Variants in KIZ observed in about 807,000 individuals in gnomAD.
KIZ encodes kizuna centrosomal protein.
KIZ carries 68 observed loss-of-function variants against 79.6 expected under a neutral mutation model. That is an observed-to-expected ratio of 0.85 (90% CI 0.70 to 1.05). The LOEUF is 1.05. KIZ is among the 50% of genes least tolerant of loss of function. The probability of loss-of-function intolerance (pLI) is 0.00; values close to 1 mark genes in which losing one functional copy is unlikely to be tolerated. For missense variants in KIZ, 797 were observed against 800.4 expected (o/e 1.00, Z 0.05); for synonymous variants, 280 against 281.8 (o/e 0.99, Z 0.06).
At chr20:21,185,991 A>C (rs921170230) in intron 6 of KIZ, among the ~76,000 whole-genome samples, 3 of 152,174 alleles carry the variant, frequency 2.0e-5, no homozygotes, top group African/African-American at 7.2e-5. Flanking sequence ...CTACTAGAAG[A>C]TAATAAAATG....
intron 6 of KIZ, chr20:21,202,199 G>A (rs1413549367): frequency 6.6e-6 from 1 of 152,166 alleles, no homozygotes; most frequent in Non-Finnish European, 1.5e-5. Context: ...AGCCACCAGA[G>A]GGACTGTTCT....
intron 6 of KIZ, chr20:21,195,033 G>A (rs1037112140): frequency 4.6e-5 from 7 of 152,142 alleles, no homozygotes; most frequent in African/African-American, 9.7e-5. Flanking sequence ...GAGAAGACTC[G>A]GCAGAGGTGA....
intron 6 of KIZ, 60 bp downstream of exon 6, chr20:21,163,219 A>G (rs2033775363): frequency 8.9e-7 from 1 of 1,126,072 alleles, no homozygotes; most frequent in African/African-American, 1.6e-5. Context: ...ATTTCTAGAG[A>G]CCATTCCACT....
At chr20:21,141,859 T>C (rs1343319953) in intron 3 of KIZ, among the ~76,000 whole-genome samples, 1 of 149,550 alleles carries the variant, frequency 6.7e-6, no homozygotes, top group African/African-American at 2.5e-5. Context: ...TGTGTTTGTC[T>C]CTCTCACACA....
intron 4 of KIZ, among the ~76,000 whole-genome samples, chr20:21,160,667 T>C (rs1026049237): frequency 2.0e-5 from 3 of 152,232 alleles, no homozygotes; most frequent in African/African-American, 7.2e-5. Context: ...GCCATTGATA[T>C]GGGCTGAATA....
At chr20:21,164,061 C>T (rs1254805212) in intron 6 of KIZ, among the ~76,000 whole-genome samples, 1 of 152,214 alleles carries the variant, frequency 6.6e-6, no homozygotes, top group Non-Finnish European at 1.5e-5. Context: ...CACAGCCTGT[C>T]TGCCTGAATG....
intron 6 of KIZ, chr20:21,202,370 A>C (rs747523417): frequency 6.6e-6 from 1 of 152,232 alleles, no homozygotes; most frequent in African/African-American, 2.4e-5. Context: ...CCAGCAGGGC[A>C]GTCTGTTAAG....
intron 6 of KIZ, among the ~76,000 whole-genome samples, chr20:21,182,002 C>CTGACA (rs2034673914): frequency 6.6e-6 from 1 of 152,218 alleles, no homozygotes; most frequent in African/African-American, 2.4e-5. Flanking sequence ...TTTCCCTGCT[C>CTGACA]TGACATCCTC....
At chr20:21,215,449 G>C in intron 8 of KIZ, 134 bp from the exon 9 acceptor site, 1 of 438,232 alleles carries the variant, frequency 2.3e-6, no homozygotes, top group South Asian at 4.4e-5. Flanking sequence ...TTCCTTTTAG[G>C]AACAGTATTG....
intron 7 of KIZ, among the ~76,000 whole-genome samples, chr20:21,212,229 A>G (rs921651483): frequency 5.3e-5 from 8 of 152,298 alleles, no homozygotes; most frequent in Admixed American, 2.6e-4. Context: ...TCTTTTATAA[A>G]CATTTCTATC....
chr20:21,208,486 A>G (rs889431469), intron 7 of KIZ, among the ~76,000 whole-genome samples: 3 of 152,130 alleles, frequency 2.0e-5, no homozygotes, highest in East Asian at 1.9e-4. Flanking sequence ...GGCGGATCAC[A>G]AGGTCAGGAG....
intron 4 of KIZ, among the ~76,000 whole-genome samples, chr20:21,155,589 T>A (rs2033341104): frequency 1.3e-5 from 2 of 152,082 alleles, no homozygotes; most frequent in South Asian, 2.1e-4. Flanking sequence ...ATGAAAAAAA[T>A]GTTCCAAAAT....
intron 11 of KIZ, among the ~76,000 whole-genome samples, chr20:21,240,045 G>A (rs1242724771): frequency 6.6e-6 from 1 of 152,028 alleles, no homozygotes; most frequent in Non-Finnish European, 1.5e-5. Context: ...GGTAGAGCTG[G>A]GAGAAAAAAT....
intron 6 of KIZ, chr20:21,166,314 G>T: frequency 6.2e-7 from 1 of 1,603,736 alleles, no homozygotes. Context: ...CTGGCAGGAT[G>T]GAAGCAGATT....
chr20:21,245,520 A>G (rs903230803), intron 12 of KIZ: 3 of 152,360 alleles, frequency 2.0e-5, no homozygotes, highest in Non-Finnish European at 2.9e-5. Flanking sequence ...GGGGTTGTGT[A>G]TGAGAAGTCA....
At chr20:21,232,246 G>T (rs1431533084) in intron 10 of KIZ, among the ~76,000 whole-genome samples, 2 of 152,216 alleles carry the variant, frequency 1.3e-5, no homozygotes, top group East Asian at 3.9e-4. Context: ...GGCTGGTAAA[G>T]AGTGGCCTTG....
intron 6 of KIZ, among the ~76,000 whole-genome samples, chr20:21,192,170 G>A (rs2035135304): frequency 6.6e-6 from 1 of 151,938 alleles, no homozygotes; most frequent in Non-Finnish European, 1.5e-5. Flanking sequence ...AACAAAGGTT[G>A]GCTGCCTTGC....
chr20:21,171,875 C>G (rs1202432288), intron 6 of KIZ, among the ~76,000 whole-genome samples: 1 of 152,216 alleles, frequency 6.6e-6, no homozygotes, highest in Non-Finnish European at 1.5e-5. Flanking sequence ...GGCAGCTGTG[C>G]TGAAGAAATT....
intron 6 of KIZ, among the ~76,000 whole-genome samples, chr20:21,169,792 T>G (rs1386078198): frequency 6.6e-6 from 1 of 152,240 alleles, no homozygotes; most frequent in Non-Finnish European, 1.5e-5. Flanking sequence ...TCTTGTCTTT[T>G]CCAGAATGTC....
Sources: allele counts gnomAD v4.1 joint callset (sites outside exome capture counted in the v4.1 genomes callset), GRCh38; gene constraint gnomAD v4.1.1; transcripts MANE v1.5; gene names NCBI Gene and HGNC (gene_info 2026-07-23, HGNC 2026-07-21).